GUCA1C: variants seen among roughly 807,000 people sequenced by gnomAD.
The protein encoded by GUCA1C is guanylate cyclase activator 1C.
GUCA1C carries 15 observed loss-of-function variants against 16.2 expected under a neutral mutation model. The ratio of observed to expected loss-of-function variants is 0.93; its 90% CI spans 0.62 to 1.43. GUCA1C has a LOEUF of 1.43. Among genes scored for constraint, GUCA1C ranks in the 40% most tolerant of loss-of-function variants. The pLI is 0.00. For synonymous variants in GUCA1C, 78 were observed against 85.4 expected (o/e 0.91, Z 0.48); for missense variants, 275 against 244.8 (o/e 1.12, Z -0.82).
intron 1 of GUCA1C, among the ~76,000 whole-genome samples, chr3:108,942,358 C>T (rs1946795458): frequency 6.6e-6 from 1 of 152,208 alleles, no homozygotes; most frequent in African/African-American, 2.4e-5. Context: ...ATCGCTCAAC[C>T]TCTGCTGCAT....
chr3:108,946,306 G>A (rs893875557), intron 1 of GUCA1C, among the ~76,000 whole-genome samples: 1 of 150,646 alleles, frequency 6.6e-6, no homozygotes, highest in Non-Finnish European at 1.5e-5. Context: ...TTTTTTGTGC[G>A]TTTTTTTTAG....
At chr3:108,940,629 A>T (rs3804734) in intron 1 of GUCA1C, among the ~76,000 whole-genome samples, 29 of 152,222 alleles carry the variant, frequency 1.9e-4, no homozygotes, top group Non-Finnish European at 3.1e-4. Context: ...ATTAAAAACA[A>T]GAAATGGCAG....
chr3:108,923,583 T>C (rs1465576061), intron 1 of GUCA1C, among the ~76,000 whole-genome samples: 1 of 152,210 alleles, frequency 6.6e-6, no homozygotes, highest in Admixed American at 6.6e-5. Flanking sequence ...GTTGGAAATA[T>C]GACGTCTCTA....
In GUCA1C at chr3:108,920,538, G is replaced by A; in HGVS notation, c.252C>T (p.Ile84=). 1 of 1,561,912 alleles carries A rather than the reference G, an allele frequency of 6.4e-7. No homozygotes were observed. The change falls in exon 2 of 4, where the codon ATC becomes ATT. Residue 84 remains isoleucine (I), a synonymous_variant. Coordinates refer to ENST00000261047, the MANE Select transcript of GUCA1C (RefSeq NM_005459.4). The part of the protein sequence containing the change: ...FLEFIAAVNL[I]MQEKMEQKLK... ...ATTTTTGCTCCATTTTTTCTTGCAT[G>A]ATTAGATTTACAGCAGCAATAAACT...
intron 1 of GUCA1C, among the ~76,000 whole-genome samples, chr3:108,924,126 T>C (rs1405989642): frequency 6.6e-6 from 1 of 152,208 alleles, no homozygotes; most frequent in Non-Finnish European, 1.5e-5. Context: ...CTTTACTGAT[T>C]TGGATTCCCT....
intron 2 of GUCA1C, among the ~76,000 whole-genome samples, chr3:108,917,887 A>G (rs947157510): frequency 7.2e-5 from 11 of 152,132 alleles, no homozygotes; most frequent in Admixed American, 2.6e-4. Context: ...TCTACTAAAA[A>G]TACAAAAATT....
chr3:108,922,998 T>C (rs1448946402), intron 1 of GUCA1C, among the ~76,000 whole-genome samples: 1 of 152,188 alleles, frequency 6.6e-6, no homozygotes, highest in Non-Finnish European at 1.5e-5. Context: ...TTCTTTTTTA[T>C]TAACCCACTT....
chr3:108,916,328 C>A (rs1197451715), intron 2 of GUCA1C, 114 bp from the exon 3 acceptor site: 4 of 862,174 alleles, frequency 4.6e-6, no homozygotes, highest in Non-Finnish European at 1.8e-6. Context: ...TGCTATCCAA[C>A]CTGTACCAGT....
At chr3:108,953,413 CCTA>C (rs1335925487) in intron 1 of GUCA1C, 143 bp downstream of exon 1, 2 of 614,684 alleles carry the variant, frequency 3.3e-6, no homozygotes, top group Admixed American at 2.9e-5. Context: ...GACTCACTTA[CCTA>C]CAAGCTGTGA....
chr3:108,950,227 G>GT (rs760873469), intron 1 of GUCA1C, among the ~76,000 whole-genome samples: 1 of 152,050 alleles, frequency 6.6e-6, no homozygotes, highest in African/African-American at 2.4e-5. Context: ...GGATTTCCCT[G>GT]TTTTTTTAAG....
chr3:108,922,087 C>T (rs934652932), intron 1 of GUCA1C, among the ~76,000 whole-genome samples: 3 of 151,848 alleles, frequency 2.0e-5, no homozygotes, highest in African/African-American at 7.3e-5. Context: ...TTCCAGGTTG[C>T]TGTGAATGCC....
At chr3:108,922,160 AACACACACAC>A (rs56788372) in intron 1 of GUCA1C, among the ~76,000 whole-genome samples, 29 of 52,118 alleles carry the variant, frequency 5.6e-4, no homozygotes, top group Admixed American at 1.7e-3. Context: ...CACATACACA[AACACACACAC>A]ACACACACAC....
intron 1 of GUCA1C, among the ~76,000 whole-genome samples, chr3:108,940,285 T>C (rs1340830474): frequency 6.6e-6 from 1 of 152,226 alleles, no homozygotes; most frequent in East Asian, 1.9e-4. Flanking sequence ...GTGGTCACCT[T>C]GTAGGCCAGA....
At chr3:108,929,171 TA>T (rs34726912) in intron 1 of GUCA1C, among the ~76,000 whole-genome samples, 3,860 of 152,326 alleles carry the variant, frequency 0.025, 74 homozygotes, top group Middle Eastern at 0.12. Flanking sequence ...GATTTATACC[TA>T]ATAATTTCAT....
rs1048480435 is a variant in GUCA1C at position 108,907,929 on chromosome 3, A to C, written c.*93T>G. ...CAAGCCTATATGAATTATAACAAAGACCTGAAATCAACAGCATGTACATGG... is the reference window on the plus strand; with the variant it reads ...CAAGCCTATATGAATTATAACAAAGCCCTGAAATCAACAGCATGTACATGG... On this transcript the variant is annotated 3_prime_UTR_variant, in exon 4 of 4. Coordinates refer to ENST00000261047, the MANE Select transcript of GUCA1C (RefSeq NM_005459.4). The C allele has an allele frequency of 1.2e-6, 1 of 859,228 alleles. No homozygotes were observed. Among genetic ancestry groups the C allele is most frequent in the East Asian group, 2.5e-5 (1 of 39,776 alleles). The allele number at this position is 859,228 out of a possible 1,614,324, so 53.2% of individuals were successfully genotyped here. A position where few individuals can be genotyped will look rare whatever the true frequency, so the allele number is the denominator to read the frequency against.
intron 1 of GUCA1C, among the ~76,000 whole-genome samples, chr3:108,950,687 C>T (rs1030964328): frequency 6.6e-6 from 1 of 152,144 alleles, no homozygotes; most frequent in Non-Finnish European, 1.5e-5. Context: ...TCCTAATAGG[C>T]TTGCTTAGCT....
At position 108,913,020 on chromosome 3, in the gene GUCA1C, ATT is replaced by A. The variant is rs200263775; in HGVS notation, c.442+3105_442+3106del. On this transcript the variant is annotated intron_variant, in intron 3 of 3. Coordinates refer to ENST00000261047, the MANE Select transcript of GUCA1C (RefSeq NM_005459.4). ...CTATTATGAGAATTATGTTTAGAAT[ATT>A]TCACAACTGTTGTGTATTTTTCTGT... 9.3e-3 allele frequency among the ~76,000 whole-genome samples: 1,410 copies of A among 152,252 alleles called. 27 individuals carry two copies. Among genetic ancestry groups the A allele is most frequent in the African/African-American group, 0.032 (1,339 of 41,546 alleles).
At chr3:108,916,656 ACCCCTGGTTCTTTGTG>A (rs1946520786) in intron 2 of GUCA1C, among the ~76,000 whole-genome samples, 1 of 152,058 alleles carries the variant, frequency 6.6e-6, no homozygotes, top group Non-Finnish European at 1.5e-5. Context: ...CACCGCTGGC[ACCCCTGGTTCTTTGTG>A]CCCTTTTGTG....
At chr3:108,952,343 A>C (rs16855015) in intron 1 of GUCA1C, among the ~76,000 whole-genome samples, 5 of 152,204 alleles carry the variant, frequency 3.3e-5, no homozygotes, top group Non-Finnish European at 7.3e-5. Context: ...CTGATTTGTC[A>C]GCTCCTTGAA....
Sources: gnomAD v4.1 joint callset for allele counts (sites outside exome capture counted in the v4.1 genomes callset) on GRCh38, gnomAD v4.1.1 for gene constraint, MANE v1.5 for transcripts, NCBI Gene and HGNC (gene_info 2026-07-23, HGNC 2026-07-21) for gene names.